ADAMTS17: variants seen among roughly 807,000 people sequenced by gnomAD.
The protein encoded by ADAMTS17 is ADAM metallopeptidase with thrombospondin type 1 motif 17.
ADAMTS17 carries 113 observed loss-of-function variants against 141.5 expected under a neutral mutation model. The ratio of observed to expected loss-of-function variants is 0.80; its 90% confidence interval spans 0.69 to 0.93. The LOEUF (loss-of-function observed/expected upper bound fraction) is 0.93. Ranked by LOEUF, ADAMTS17 falls within the 40% of genes least tolerant of loss-of-function variation. The probability of loss-of-function intolerance (pLI) is 0.00; values close to 1 mark genes in which losing one functional copy is unlikely to be tolerated. For synonymous variants in ADAMTS17, 768 were observed against 630.6 expected, an observed-to-expected ratio of 1.22 and a Z score of -3.27; for missense variants, 1,659 against 1,517.9, an observed-to-expected ratio of 1.09 and a Z score of -1.54.
chr15:100,191,301 C>G (rs955731638), intron 8 of ADAMTS17, among the ~76,000 whole-genome samples: 5 of 152,236 alleles, frequency 3.3e-5, no homozygotes, highest in African/African-American at 7.2e-5. Context: ...CAGAGGAAGC[C>G]TCTCCACGGC....
chr15:100,281,485 GC>G, intron 3 of ADAMTS17, 84 bp from the exon 4 acceptor site: 1 of 1,519,390 alleles, frequency 6.6e-7, no homozygotes. Context: ...TGTCAAGCCT[GC>G]CCGAGAGAGT....
At chr15:100,179,435 C>A (rs977337118) in intron 8 of ADAMTS17, among the ~76,000 whole-genome samples, 2 of 152,142 alleles carry the variant, frequency 1.3e-5, no homozygotes, top group African/African-American at 4.8e-5. Context: ...TTTTTTTAAT[C>A]CATTCCTCTG....
In ADAMTS17 at chr15:100,089,334, C is replaced by A. The variant is rs185948332; in HGVS notation, c.2137+7022G>T. 1.9e-4 allele frequency among the ~76,000 whole-genome samples: 26 copies of A among 135,714 alleles called. 1 individual carries two copies. Among genetic ancestry groups the A allele is most frequent in the Admixed American group, 1.6e-3 (22 of 13,538 alleles). The allele number at this position is 135,714 out of a possible 152,430, so 89.0% of individuals were successfully genotyped here. The stretch of plus-strand genomic sequence containing the variant: ...TGGCAATCATTAAGTCAGGAAACAA[C>A]AGGTGCTGGAGAGGATGTGGAGAAA... On this transcript the variant is annotated intron_variant, in intron 15 of 21. Transcript: ENST00000268070.
chr15:100,303,142 AT>A (rs1400239229), intron 3 of ADAMTS17, among the ~76,000 whole-genome samples: 1 of 146,472 alleles, frequency 6.8e-6, no homozygotes, highest in Non-Finnish European at 1.5e-5. Flanking sequence ...ATTTATATTT[AT>A]ATATAAACTA....
intron 7 of ADAMTS17, among the ~76,000 whole-genome samples, chr15:100,200,714 C>T (rs988530356): frequency 6.6e-6 from 1 of 152,188 alleles, no homozygotes; most frequent in Non-Finnish European, 1.5e-5. Flanking sequence ...GGGCGGATGA[C>T]GGCTAAATAC....
chr15:100,211,792 A>C (rs561558936), intron 7 of ADAMTS17, among the ~76,000 whole-genome samples: 13 of 152,162 alleles, frequency 8.5e-5, no homozygotes, highest in African/African-American at 3.1e-4. Flanking sequence ...TCACAAGAAG[A>C]TATCAATTCA....
intron 15 of ADAMTS17, 104 bp from the exon 16 acceptor site, chr15:100,054,158 C>G: frequency 7.5e-7 from 1 of 1,341,074 alleles, no homozygotes; most frequent in East Asian, 2.3e-5. Flanking sequence ...AGAGGTCTCC[C>G]TTCCACAGGG....
intron 12 of ADAMTS17, among the ~76,000 whole-genome samples, chr15:100,122,369 C>T (rs1216677963): frequency 1.3e-5 from 2 of 152,146 alleles, no homozygotes; most frequent in Middle Eastern, 6.3e-3. Flanking sequence ...AGAAGTAATC[C>T]ACTAGGTACA....
intron 12 of ADAMTS17, among the ~76,000 whole-genome samples, chr15:100,117,838 G>T (rs562894331): frequency 6.6e-6 from 1 of 152,008 alleles, no homozygotes; most frequent in Non-Finnish European, 1.5e-5. Context: ...CCCACCCCTC[G>T]CACTTTTTAT....
intron 12 of ADAMTS17, chr15:100,128,582 G>C (rs572207552): frequency 2.0e-5 from 3 of 152,200 alleles, no homozygotes; most frequent in African/African-American, 7.2e-5. Context: ...GAACAGCCAC[G>C]ACTATCATGG....
chr15:100,091,857 G>A (rs1054135913), intron 15 of ADAMTS17, among the ~76,000 whole-genome samples: 4 of 152,110 alleles, frequency 2.6e-5, no homozygotes. Context: ...TCTTACAAAA[G>A]TTATTCACAA....
chr15:100,299,354 A>T (rs1389776322), intron 3 of ADAMTS17, among the ~76,000 whole-genome samples: 1 of 151,850 alleles, frequency 6.6e-6, no homozygotes, highest in Non-Finnish European at 1.5e-5. Flanking sequence ...CAGTCATCTC[A>T]CAGCCCCACC....
chr15:100,157,964 C>T (rs1382356536), intron 8 of ADAMTS17, among the ~76,000 whole-genome samples: 4 of 150,878 alleles, frequency 2.7e-5, no homozygotes, highest in African/African-American at 9.7e-5. Context: ...TCTCGGATCA[C>T]TGCAACCTCT....
intron 15 of ADAMTS17, among the ~76,000 whole-genome samples, chr15:100,078,912 C>A (rs1444487796): frequency 6.6e-6 from 1 of 152,204 alleles, no homozygotes; most frequent in African/African-American, 2.4e-5. Flanking sequence ...AGGATTTTAA[C>A]AGGCACTTCC....
chr15:100,341,788 C>T (rs759355176), intron 1 of ADAMTS17, 33 bp downstream of exon 1: 3 of 1,544,706 alleles, frequency 1.9e-6, no homozygotes, highest in South Asian at 2.4e-5. Flanking sequence ...CCGCAGGACG[C>T]GGGGTGAAGA....
chr15:100,112,225 C>T (rs8024501), intron 13 of ADAMTS17, among the ~76,000 whole-genome samples: 1 of 152,160 alleles, frequency 6.6e-6, no homozygotes, highest in African/African-American at 2.4e-5. Context: ...ATGCTGGCCA[C>T]GAGCCTTGCA....
chr15:100,006,166 A>G (rs1213454910), intron 18 of ADAMTS17, among the ~76,000 whole-genome samples: 2 of 152,198 alleles, frequency 1.3e-5, no homozygotes, highest in African/African-American at 4.8e-5. Flanking sequence ...TAGGACTTCA[A>G]TAAAAGAATT....
chr15:100,096,665 A>G (rs1036352920), intron 14 of ADAMTS17, among the ~76,000 whole-genome samples, 189 bp from the exon 15 acceptor site: 1 of 152,186 alleles, frequency 6.6e-6, no homozygotes. Flanking sequence ...AACCTAGATT[A>G]TATTTGTCTT....
intron 14 of ADAMTS17, among the ~76,000 whole-genome samples, chr15:100,099,435 T>C (rs983128091): frequency 6.6e-6 from 1 of 152,216 alleles, no homozygotes; most frequent in Non-Finnish European, 1.5e-5. Context: ...CTGAAGTCAT[T>C]AATTCTGAAT....
Sources: allele counts gnomAD v4.1 joint callset (sites outside exome capture counted in the v4.1 genomes callset), GRCh38; gene constraint gnomAD v4.1.1; transcripts MANE v1.5; gene names NCBI Gene and HGNC (gene_info 2026-07-23, HGNC 2026-07-21).